The following CNOT1 variants were observed in gnomAD, a reference collection of about 807,000 sequenced individuals.
CNOT1 encodes CCR4-associated factor 1.
CNOT1 carries 15 observed loss-of-function variants against 273.8 expected under a neutral mutation model. The observed-to-expected ratio is 0.05, with a 90% CI of 0.04 to 0.08. The LOEUF is 0.08. Among genes scored for constraint, CNOT1 ranks in the 10% least tolerant of loss-of-function variants. CNOT1 has a pLI of 1.00. For missense variants in CNOT1, 1,644 were observed against 2,912.2 expected, an observed-to-expected ratio of 0.56 and a Z score of 10.02; for synonymous variants, 1,022 against 1,005.5, an observed-to-expected ratio of 1.02 and a Z score of -0.31.
chr16:58,530,159 TA>T, intron 43 of CNOT1, 86 bp downstream of exon 43: 3 of 1,123,796 alleles, frequency 2.7e-6, no homozygotes, highest in Non-Finnish European at 1.3e-6. Context: ...AAAGGCTTAA[TA>T]AAAACAAAAT....
At chr16:58,546,201 A>C in intron 29 of CNOT1, 120 bp downstream of exon 29, 3 of 861,436 alleles carry the variant, frequency 3.5e-6, no homozygotes, top group Non-Finnish European at 5.5e-6. Flanking sequence ...ACCAAAACGT[A>C]TACAAAGTTT....
intron 1 of CNOT1, 132 bp from the exon 2 acceptor site, chr16:58,599,643 G>C: frequency 4.5e-6 from 2 of 442,762 alleles, no homozygotes. Context: ...GAAGAGAATA[G>C]GGTTAAACTA....
In CNOT1 at chr16:58,551,616, A is replaced by C; in HGVS notation, c.3174T>G (p.Thr1058=). ...GCACATCTTTCTTAAAGCTGACTCC[A>C]GTTGGCCTGGTGACCGTAACCGTTT... ...VAKTVTVTRP[T]GVSFKKDVPP... is the part of the protein sequence containing the mutation. Residue 1058 remains threonine, a synonymous_variant, in exon 23 of 49, where the codon ACT becomes ACG. Coordinates refer to ENST00000317147, the MANE Select transcript of CNOT1 (RefSeq NM_016284.5). The C allele has an allele frequency of 7.4e-6, 12 of 1,614,222 alleles. No homozygotes were observed. The highest frequency in any genetic ancestry group is 1.0e-5 in the Non-Finnish European group (12 of 1,180,024).
intron 6 of CNOT1, 96 bp from the exon 7 acceptor site, chr16:58,586,844 A>G (rs1222421826): frequency 7.5e-7 from 1 of 1,334,672 alleles, no homozygotes; most frequent in East Asian, 2.3e-5. Flanking sequence ...CACCCTTCTC[A>G]TTCACCAGTT....
chr16:58,606,922 TG>T (rs11318549), intron 1 of CNOT1, among the ~76,000 whole-genome samples: 113,816 of 151,648 alleles, frequency 0.75, 43,075 homozygotes, highest in Middle Eastern at 0.86. Context: ...ACTGCAGAGC[TG>T]GGGGGGGGAA....
chr16:58,599,702 G>C (rs1446907517), intron 1 of CNOT1, among the ~76,000 whole-genome samples, 191 bp from the exon 2 acceptor site: 1 of 152,126 alleles, frequency 6.6e-6, no homozygotes, highest in East Asian at 1.9e-4. Context: ...ACTCTAAAAA[G>C]ATAGTAAGGT....
chr16:58,548,282 T>C (rs945913176), intron 25 of CNOT1, among the ~76,000 whole-genome samples: 1 of 152,214 alleles, frequency 6.6e-6, no homozygotes, highest in Non-Finnish European at 1.5e-5. Flanking sequence ...CTCCGGTTAC[T>C]GTTTTTCTAA....
chr16:58,574,711 G>A lies in CNOT1; in HGVS notation c.1877C>T (p.Ser626Phe). The A allele has an allele frequency of 6.2e-7, 1 of 1,608,260 alleles. No homozygotes were observed. Among genetic ancestry groups the A allele is most frequent in the Non-Finnish European group, 8.5e-7 (1 of 1,178,964 alleles). ...TTCTGGGGCAAGTCCGCCCAAAATA[G>A]AAGGACACCGTCTCTTTAAAAAAGT... Reference protein sequence around the residue: ...CMTFLKRRCPSILGGLAPEKD... With the variant: ...CMTFLKRRCPFILGGLAPEKD... The change falls in exon 16 of 49, where the codon TCT (serine) becomes TTT (phenylalanine). Residue 626 changes from serine (S) to phenylalanine (F), a missense_variant. Physicochemically the swap from Ser to Phe is radical, Grantham distance 155. This residue lies in a region of CNOT1 where 706 missense variants were observed against 1,021.2 expected (regional missense o/e 0.69). Transcript: ENST00000317147.
chr16:58,549,712 C>T lies in CNOT1; in HGVS notation c.3522+7G>A, dbSNP rs1026002158. The T allele has an allele frequency of 6.3e-7, 1 of 1,590,602 alleles. No individual in the cohort carries two copies. The highest frequency in any genetic ancestry group is 1.4e-5 in the African/African-American group (1 of 73,524). Reference sequence around the variant, plus strand: ...TAATTAAAGGAAATATAAGAACCAACTCTTACTTTAATGTTTCTGTAGGTC... The same window carrying T: ...TAATTAAAGGAAATATAAGAACCAATTCTTACTTTAATGTTTCTGTAGGTC... On this transcript the variant is annotated splice_region_variant and intron_variant, in intron 25 of 48. Coordinates refer to ENST00000317147, the MANE Select transcript of CNOT1 (RefSeq NM_016284.5).
Position 58,520,153 on chromosome 16 carries a change from G to C in CNOT1, c.*805C>G, listed in dbSNP as rs1342444159. 1 of 152,074 alleles carries C rather than the reference G, an allele frequency of 6.6e-6. No individual in the cohort carries two copies. Among genetic ancestry groups the C allele is most frequent in the Admixed American group, 6.6e-5 (1 of 15,262 alleles). 9.4% of individuals were successfully genotyped at this position (152,074 alleles called of 1,614,324 possible). A position where few individuals can be genotyped will look rare whatever the true frequency, so the allele number is the denominator to read the frequency against. On this transcript the variant is annotated 3_prime_UTR_variant, in exon 49 of 49. Coordinates refer to ENST00000317147, the MANE Select transcript of CNOT1 (RefSeq NM_016284.5). Reference sequence around the variant, plus strand: ...AGCCTGTATGGCCATTCATTCAGTGGGGTAATGGGGGAGAACAATTAATTA... The same window carrying C: ...AGCCTGTATGGCCATTCATTCAGTGCGGTAATGGGGGAGAACAATTAATTA...
intron 10 of CNOT1, among the ~76,000 whole-genome samples, chr16:58,581,939 A>C (rs2041672253): frequency 6.6e-6 from 1 of 152,122 alleles, no homozygotes; most frequent in South Asian, 2.1e-4. Flanking sequence ...CTGGGATTAC[A>C]GGAGTGAGCC....
chr16:58,556,476 A>T (rs1269570176), intron 19 of CNOT1, among the ~76,000 whole-genome samples: 1 of 152,216 alleles, frequency 6.6e-6, no homozygotes, highest in African/African-American at 2.4e-5. Context: ...ATTACTAAGG[A>T]GGTGAAACAA....
intron 1 of CNOT1, among the ~76,000 whole-genome samples, chr16:58,607,661 G>C (rs2042726634): frequency 6.8e-6 from 1 of 147,742 alleles, no homozygotes; most frequent in African/African-American, 2.5e-5. Context: ...AGGAGGCAGA[G>C]GGTTGCAGTG....
At chr16:58,527,119 C>CA (rs1377784235) in intron 44 of CNOT1, among the ~76,000 whole-genome samples, 3 of 152,018 alleles carry the variant, frequency 2.0e-5, no homozygotes, top group Non-Finnish European at 2.9e-5. Context: ...CAACAACTTA[C>CA]AAAAAAATAC....
At chr16:58,585,230 T>G in intron 8 of CNOT1, 108 bp downstream of exon 8, 2 of 1,501,490 alleles carry the variant, frequency 1.3e-6, no homozygotes, top group Non-Finnish European at 1.8e-6. Context: ...GCATGCCTCT[T>G]GAGAAGAAAA....
At chr16:58,537,799 T>A in intron 38 of CNOT1, 92 bp downstream of exon 38, 1 of 1,520,278 alleles carries the variant, frequency 6.6e-7, no homozygotes, top group Non-Finnish European at 9.0e-7. Flanking sequence ...AAAGCAGTTA[T>A]AACAAGTAAT....
intron 2 of CNOT1, among the ~76,000 whole-genome samples, chr16:58,595,045 C>T (rs2042203952): frequency 1.3e-5 from 2 of 151,030 alleles, no homozygotes; most frequent in Admixed American, 1.3e-4. Flanking sequence ...ACCCGGGAGG[C>T]GGAGGTTACA....
chr16:58,574,505 AT>A, intron 16 of CNOT1, 103 bp downstream of exon 16: 1 of 1,164,996 alleles, frequency 8.6e-7, no homozygotes. Flanking sequence ...CCATTGGACC[AT>A]TTTAAACTGC....
chr16:58,572,065 C>T (rs2041293068), intron 16 of CNOT1, among the ~76,000 whole-genome samples: 1 of 152,106 alleles, frequency 6.6e-6, no homozygotes, highest in African/African-American at 2.4e-5. Context: ...GGGCGGATCA[C>T]CTGAGGTCAG....
Sources: gnomAD v4.1 joint callset for allele counts (sites outside exome capture counted in the v4.1 genomes callset) on GRCh38, gnomAD v4.1.1 for gene constraint, gnomAD v4.1.1 regional missense constraint, MANE v1.5 for transcripts, NCBI Gene and HGNC (gene_info 2026-07-23, HGNC 2026-07-21) for gene names.